Variants in TMEM74 observed in about 807,000 individuals in gnomAD.
TMEM74 encodes transmembrane protein 74.
A neutral mutation model predicts 18.1 loss-of-function variants in TMEM74; 13 were observed. The observed-to-expected ratio is 0.72, with a 90% CI of 0.47 to 1.14. TMEM74 has a LOEUF of 1.14. Among genes scored for constraint, TMEM74 ranks in the 50% most tolerant of loss-of-function variants. TMEM74 has a pLI of 0.00. For missense variants in TMEM74, 372 were observed against 375.9 expected (o/e 0.99, Z 0.09); for synonymous variants, 159 against 146.6 (o/e 1.08, Z -0.61).
intron 1 of TMEM74, among the ~76,000 whole-genome samples, chr8:108,678,832 G>A (rs1368599946): frequency 1.3e-5 from 2 of 150,862 alleles, no homozygotes; most frequent in Non-Finnish European, 3.0e-5. Context: ...GTGCCATGTT[G>A]GTGTGCTGCA....
intron 1 of TMEM74, among the ~76,000 whole-genome samples, chr8:108,670,658 T>C (rs1038412830): frequency 6.6e-6 from 1 of 152,184 alleles, no homozygotes; most frequent in East Asian, 1.9e-4. Context: ...AAAATAGTTA[T>C]ATACGACATC....
intron 1 of TMEM74, among the ~76,000 whole-genome samples, chr8:108,666,289 G>A (rs187564435): frequency 9.2e-5 from 14 of 152,100 alleles, no homozygotes; most frequent in Non-Finnish European, 5.9e-5. Flanking sequence ...AATAGACTTC[G>A]TTTGCTTAAA....
At position 108,780,614 on chromosome 8, in the gene TMEM74, A is replaced by G. The variant is rs1258980835; in HGVS notation, c.*3567T>C. On this transcript the variant is annotated 3_prime_UTR_variant, in exon 2 of 2. Coordinates refer to ENST00000297459, the MANE Select transcript of TMEM74 (RefSeq NM_153015.3). ...CAGCACTGGTCCAATTGGGTCCCTA[A>G]AACAAATAAGTATGAGGGGGATGAA... 3.3e-5 allele frequency among the ~76,000 whole-genome samples: 5 copies of G among 152,162 alleles called. No individual in the cohort carries two copies. Among genetic ancestry groups the G allele is most frequent in the Admixed American group, 2.6e-4 (4 of 15,272 alleles).
At chr8:108,695,480 A>G (rs559509057) in intron 1 of TMEM74, among the ~76,000 whole-genome samples, 1 of 152,332 alleles carries the variant, frequency 6.6e-6, no homozygotes, top group East Asian at 1.9e-4. Flanking sequence ...ATTTCACTAT[A>G]TCTTCACAAT....
chr8:108,644,004 A>G (rs922367449), intron 2 of TMEM74, among the ~76,000 whole-genome samples: 1 of 152,194 alleles, frequency 6.6e-6, no homozygotes, highest in African/African-American at 2.4e-5. Flanking sequence ...AAACTATTCT[A>G]AAGTTCAGAT....
At chr8:108,676,942 T>C (rs941421321) in intron 1 of TMEM74, among the ~76,000 whole-genome samples, 5 of 152,230 alleles carry the variant, frequency 3.3e-5, no homozygotes, top group Admixed American at 6.5e-5. Flanking sequence ...GAAAGTCTTA[T>C]AGATGTTGAG....
intron 1 of TMEM74, among the ~76,000 whole-genome samples, chr8:108,682,015 C>G (rs1029060310): frequency 9.2e-5 from 14 of 152,088 alleles, no homozygotes; most frequent in African/African-American, 3.4e-4. Flanking sequence ...TCAATCTTTA[C>G]TCTGCCCTAA....
At chr8:108,742,936 G>C (rs1235799471) in intron 1 of TMEM74, among the ~76,000 whole-genome samples, 1 of 152,218 alleles carries the variant, frequency 6.6e-6, no homozygotes, top group Non-Finnish European at 1.5e-5. Flanking sequence ...AATCAGGAAA[G>C]CCGTAAATCA....
In TMEM74 at chr8:108,756,745, AAGGGAGGG is replaced by A. The variant is rs549009701; in HGVS notation, n.119+30723_119+30730del. On this transcript the variant is annotated intron_variant and non_coding_transcript_variant, in intron 1 of 3. Coordinates refer to the TMEM74 transcript ENST00000518838. ...GAGAAAGAAAGAAAGAGAAAGAAAG[AAGGGAGGG>A]AGGGAGGGAGGGAGGGGAGGGGAGG... 4.0e-3 allele frequency among the ~76,000 whole-genome samples: 449 copies of A among 111,406 alleles called. 4 individuals are homozygous for A. Among genetic ancestry groups the A allele is most frequent in the African/African-American group, 0.013 (367 of 29,310 alleles). 73.1% of individuals were successfully genotyped at this position (111,406 alleles called of 152,430 possible).
chr8:108,725,691 A>C (rs557480102), intron 1 of TMEM74, among the ~76,000 whole-genome samples: 15 of 152,320 alleles, frequency 9.8e-5, no homozygotes, highest in Non-Finnish European at 1.9e-4. Context: ...GCTGAAAATG[A>C]AATGAAAGAA....
Position 108,704,472 on chromosome 8 carries a change from T to A in TMEM74, n.120-49035A>T, listed in dbSNP as rs78243211. 4.7e-3 allele frequency among the ~76,000 whole-genome samples: 721 copies of A among 152,346 alleles called. 2 individuals are homozygous for A. The highest frequency in any genetic ancestry group is 8.3e-3 in the Non-Finnish European group (566 of 68,034). ...TCTAACTTTTTATCGATTTGTGATATCTTTTATAGATTTCTGGGGAAGGAT... is the reference window on the plus strand; with the variant it reads ...TCTAACTTTTTATCGATTTGTGATAACTTTTATAGATTTCTGGGGAAGGAT... On this transcript the variant is annotated intron_variant and non_coding_transcript_variant, in intron 1 of 3. Coordinates refer to the TMEM74 transcript ENST00000518838.
intron 1 of TMEM74, among the ~76,000 whole-genome samples, chr8:108,696,618 T>C (rs79362531): frequency 0.029 from 4,468 of 152,332 alleles, 122 homozygotes; most frequent in African/African-American, 0.066. Context: ...AGACATACTG[T>C]AGTAACATTT....
chr8:108,608,192 T>C (rs1420892061), intron 3 of TMEM74, among the ~76,000 whole-genome samples: 1 of 151,004 alleles, frequency 6.6e-6, no homozygotes, highest in African/African-American at 2.4e-5. Context: ...GTCCCGGCTA[T>C]TCGAGAGGCT....
intron 1 of TMEM74, among the ~76,000 whole-genome samples, chr8:108,691,669 T>C (rs943426366): frequency 6.6e-6 from 1 of 152,112 alleles, no homozygotes; most frequent in East Asian, 1.9e-4. Flanking sequence ...AACCAAGGGA[T>C]AGGGAAATAA....
At chr8:108,614,599 T>A (rs943768680) in intron 2 of TMEM74, among the ~76,000 whole-genome samples, 2 of 152,212 alleles carry the variant, frequency 1.3e-5, no homozygotes, top group African/African-American at 4.8e-5. Context: ...TACTAAACCA[T>A]CTGCAATGTT....
At chr8:108,756,476 A>C (rs2130656338) in intron 1 of TMEM74, among the ~76,000 whole-genome samples, 1 of 150,388 alleles carries the variant, frequency 6.6e-6, no homozygotes, top group Admixed American at 6.7e-5. Flanking sequence ...AGGTCAAATC[A>C]ACCTGTTCAC....
intron 1 of TMEM74, among the ~76,000 whole-genome samples, chr8:108,764,535 G>C (rs954629281): frequency 1.4e-4 from 21 of 152,114 alleles, no homozygotes; most frequent in African/African-American, 4.8e-4. Context: ...AATAGAGAGT[G>C]CTTTGAGTTT....
exon 3 of TMEM74, chr8:108,608,778 G>C (rs905086855): frequency 3.9e-5 from 6 of 152,106 alleles, no homozygotes; most frequent in African/African-American, 1.4e-4. Context: ...TGTAGATAAA[G>C]AATCTTTTCC....
chr8:108,609,796 G>A (rs971218554), intron 2 of TMEM74, among the ~76,000 whole-genome samples: 1 of 152,194 alleles, frequency 6.6e-6, no homozygotes, highest in Non-Finnish European at 1.5e-5. Context: ...TCATTGCAAT[G>A]ATTATTGTCA....
Sources: gnomAD v4.1 joint callset for allele counts (sites outside exome capture counted in the v4.1 genomes callset) on GRCh38, gnomAD v4.1.1 for gene constraint, MANE v1.5 for transcripts, NCBI Gene and HGNC (gene_info 2026-07-23, HGNC 2026-07-21) for gene names.